SNTG1: variants seen among roughly 807,000 people sequenced by gnomAD.
The protein encoded by SNTG1 is gamma-1-syntrophin.
In SNTG1, 39 loss-of-function variants were observed where a neutral mutation model predicts 74.7. That is an observed-to-expected ratio of 0.52 (90% confidence interval 0.40 to 0.68). The LOEUF is 0.68. Among genes scored for constraint, SNTG1 ranks in the 30% least tolerant of loss-of-function variants. The pLI, the probability that SNTG1 is intolerant of heterozygous loss-of-function variation, is 0.00. For synonymous variants in SNTG1, 254 were observed against 217.1 expected (o/e 1.17, Z -1.49); for missense variants, 685 against 609.5 (o/e 1.12, Z -1.30).
At chr8:50,168,032 G>A (rs1241924509) in intron 1 of SNTG1, among the ~76,000 whole-genome samples, 1 of 151,700 alleles carries the variant, frequency 6.6e-6, no homozygotes, top group Non-Finnish European at 1.5e-5. Context: ...ATGTTATGTG[G>A]CTACTTCTTG....
At chr8:50,560,109 A>G (rs1005606223) in intron 12 of SNTG1, among the ~76,000 whole-genome samples, 4 of 152,206 alleles carry the variant, frequency 2.6e-5, no homozygotes, top group Non-Finnish European at 4.4e-5. Flanking sequence ...CAAAAAACAT[A>G]TTAAAAAAAC....
intron 12 of SNTG1, among the ~76,000 whole-genome samples, chr8:50,561,626 A>G (rs1387592138): frequency 6.6e-6 from 1 of 152,218 alleles, no homozygotes. Flanking sequence ...AATTGAAAAT[A>G]TAGACTGATG....
intron 1 of SNTG1, among the ~76,000 whole-genome samples, chr8:50,100,975 T>C (rs1039781577): frequency 2.6e-5 from 4 of 152,072 alleles, no homozygotes; most frequent in Non-Finnish European, 5.9e-5. Flanking sequence ...TGTTATTTTC[T>C]TTGTGTCCAC....
chr8:50,318,433 G>A (rs2090397514), intron 2 of SNTG1, among the ~76,000 whole-genome samples: 1 of 152,144 alleles, frequency 6.6e-6, no homozygotes, highest in Admixed American at 6.5e-5. Context: ...AGCTCCATCT[G>A]TTGAATTTTC....
At chr8:50,189,874 C>CT (rs1471241585) in intron 2 of SNTG1, among the ~76,000 whole-genome samples, 2 of 152,066 alleles carry the variant, frequency 1.3e-5, no homozygotes, top group African/African-American at 4.8e-5. Flanking sequence ...AATAATTGAA[C>CT]TTTTTTGAAT....
At chr8:50,582,832 C>T (rs928799897) in intron 12 of SNTG1, among the ~76,000 whole-genome samples, 1 of 151,858 alleles carries the variant, frequency 6.6e-6, no homozygotes, top group Admixed American at 6.6e-5. Flanking sequence ...TTGGGTCATT[C>T]ATAGAACTAA....
rs1409620497 is a variant in SNTG1 at position 49,912,244 on chromosome 8, G to T, written c.-103+13G>T. ...CATTGCTCGGCAGGTAAGTGATAGC[G>T]CTATTATTTTTGTTTTTTAAAATTC... is the stretch of plus-strand genomic sequence containing the variant. On this transcript the variant is annotated intron_variant, in intron 1 of 18. Transcript: ENST00000642720. 6.6e-6 allele frequency: 1 copy of T among 152,154 alleles called. No individual in the cohort carries two copies. Among genetic ancestry groups the T allele is most frequent in the Non-Finnish European group, 1.5e-5 (1 of 68,028 alleles). The allele number at this position is 152,154 out of a possible 1,614,324, so 9.4% of individuals were successfully genotyped here. A position where few individuals can be genotyped will look rare whatever the true frequency, so the allele number is the denominator to read the frequency against.
chr8:50,062,747 A>G (rs1193847331), intron 1 of SNTG1, among the ~76,000 whole-genome samples: 1 of 152,206 alleles, frequency 6.6e-6, no homozygotes, highest in Non-Finnish European at 1.5e-5. Context: ...TAATTTGCCC[A>G]CAAACAATGG....
At chr8:50,136,317 C>T (rs1020284206) in intron 1 of SNTG1, among the ~76,000 whole-genome samples, 4 of 152,018 alleles carry the variant, frequency 2.6e-5, no homozygotes, top group African/African-American at 4.8e-5. Flanking sequence ...TTGAGTTCTT[C>T]GAGAAATTGC....
At chr8:50,194,539 T>A (rs1371960407) in intron 2 of SNTG1, among the ~76,000 whole-genome samples, 1 of 152,192 alleles carries the variant, frequency 6.6e-6, no homozygotes, top group East Asian at 1.9e-4. Flanking sequence ...CTCAGTGAGG[T>A]TATTTGGATT....
chr8:50,168,937 C>T (rs1352749826), intron 1 of SNTG1, among the ~76,000 whole-genome samples: 1 of 152,188 alleles, frequency 6.6e-6, no homozygotes, highest in African/African-American at 2.4e-5. Context: ...TATTCGGTTA[C>T]ACGTGCACTC....
chr8:50,353,828 G>A (rs569190545), intron 2 of SNTG1, among the ~76,000 whole-genome samples: 42 of 152,318 alleles, frequency 2.8e-4, no homozygotes, highest in African/African-American at 9.1e-4. Flanking sequence ...ATTGATCAAC[G>A]AAGACTGCAG....
chr8:50,743,477 A>G (rs1409618000), intron 17 of SNTG1, among the ~76,000 whole-genome samples: 2 of 151,926 alleles, frequency 1.3e-5, no homozygotes, highest in Non-Finnish European at 2.9e-5. Flanking sequence ...AAAAAACTTA[A>G]TAAACTAGGA....
chr8:50,684,297 G>T (rs2131402867), intron 15 of SNTG1, among the ~76,000 whole-genome samples: 1 of 152,254 alleles, frequency 6.6e-6, no homozygotes, highest in Middle Eastern at 3.4e-3. Flanking sequence ...CTCAGAGATA[G>T]AATATTAGAG....
chr8:50,076,397 A>C (rs1456391678), intron 1 of SNTG1, among the ~76,000 whole-genome samples: 1 of 152,212 alleles, frequency 6.6e-6, no homozygotes, highest in Non-Finnish European at 1.5e-5. Flanking sequence ...AGGTTCTATA[A>C]AAATGTATGA....
chr8:50,748,611 T>C (rs1395903353), intron 17 of SNTG1, among the ~76,000 whole-genome samples: 1 of 152,034 alleles, frequency 6.6e-6, no homozygotes, highest in African/African-American at 2.4e-5. Context: ...GTGGCAACCC[T>C]GCATTGAGCC....
intron 1 of SNTG1, among the ~76,000 whole-genome samples, chr8:49,978,930 A>T (rs1006493224): frequency 1.3e-5 from 2 of 152,218 alleles, no homozygotes; most frequent in African/African-American, 4.8e-5. Context: ...ACTAACCACT[A>T]TGTTAGGAAG....
intron 2 of SNTG1, among the ~76,000 whole-genome samples, chr8:50,313,762 G>A (rs1041377177): frequency 1.3e-5 from 2 of 149,578 alleles, no homozygotes; most frequent in African/African-American, 5.0e-5. Context: ...AACCTAAACA[G>A]ACATAAAAAA....
At chr8:50,684,559 T>C (rs183812897) in intron 15 of SNTG1, among the ~76,000 whole-genome samples, 6 of 152,148 alleles carry the variant, frequency 3.9e-5, no homozygotes, top group Admixed American at 3.9e-4. Flanking sequence ...CTGATTTAAG[T>C]ATATTAAATT....
Sources: allele counts gnomAD v4.1 joint callset (sites outside exome capture counted in the v4.1 genomes callset), GRCh38; gene constraint gnomAD v4.1.1; transcripts MANE v1.5; gene names NCBI Gene and HGNC (gene_info 2026-07-23, HGNC 2026-07-21).